ZNF589: variants seen among roughly 807,000 people sequenced by gnomAD.
The protein encoded by ZNF589 is zinc finger protein 589.
In ZNF589, 17 loss-of-function variants were observed where a neutral mutation model predicts 13.6. The ratio of observed to expected loss-of-function variants is 1.25; its 90% CI spans 0.86 to 1.88. The LOEUF (loss-of-function observed/expected upper bound fraction) is 1.88, where lower values mean the gene tolerates loss of function less well. Ranked by LOEUF, ZNF589 falls within the 40% of genes most tolerant of loss-of-function variation. ZNF589 has a pLI of 0.00. For synonymous variants in ZNF589, 148 were observed against 161.6 expected (o/e 0.92, Z 0.64); for missense variants, 407 against 434.0 (o/e 0.94, Z 0.55).
chr3:48,258,814 G>A (rs1171085271), intron 2 of ZNF589, among the ~76,000 whole-genome samples: 1 of 152,204 alleles, frequency 6.6e-6, no homozygotes, highest in South Asian at 2.1e-4. Context: ...ATTTGGACTT[G>A]TGCGGTCTGA....
chr3:48,252,562 G>A (rs1222060188), intron 2 of ZNF589, among the ~76,000 whole-genome samples: 1 of 151,276 alleles, frequency 6.6e-6, no homozygotes, highest in African/African-American at 2.4e-5. Context: ...TTTGTACAAT[G>A]GGATTTTGAT....
At chr3:48,249,305 G>A (rs1304659205) in intron 2 of ZNF589, among the ~76,000 whole-genome samples, 1 of 152,106 alleles carries the variant, frequency 6.6e-6, no homozygotes, top group African/African-American at 2.4e-5. Flanking sequence ...GTTTCACCAT[G>A]TTAGCCAGGC....
Position 48,269,309 on chromosome 3 carries a change from C to T in ZNF589, c.*523C>T, listed in dbSNP as rs2034062650. ...AGAGTGTGGGCGAGGCTTTATAGCT[C>T]AGTCAACCCTCCACTACCACCGGAG... On this transcript the variant is annotated 3_prime_UTR_variant, in exon 4 of 4. Transcript: ENST00000354698. The T allele has an allele frequency of 2.8e-6, 4 of 1,451,288 alleles. No homozygotes were observed. The highest frequency in any genetic ancestry group is 1.4e-5 in the African/African-American group (1 of 69,550). The allele number at this position is 1,451,288 out of a possible 1,614,324, so 89.9% of individuals were successfully genotyped here. A position where few individuals can be genotyped will look rare whatever the true frequency, so the allele number is the denominator to read the frequency against.
At chr3:48,263,419 T>G (rs1254152410) in intron 3 of ZNF589, among the ~76,000 whole-genome samples, 1 of 152,216 alleles carries the variant, frequency 6.6e-6, no homozygotes, top group Non-Finnish European at 1.5e-5. Context: ...TCCTTTCTTT[T>G]TTATGTTTCG....
intron 2 of ZNF589, chr3:48,256,504 G>C (rs1211121652): frequency 1.8e-6 from 1 of 556,960 alleles, no homozygotes; most frequent in African/African-American, 2.1e-5. Flanking sequence ...GGTTGAATTG[G>C]GGTTTGCCCT....
Position 48,268,104 on chromosome 3 carries a change from G to C in ZNF589, c.413G>C (p.Arg138Thr), listed in dbSNP as rs1041889401. 1 of 1,614,076 alleles carries C rather than the reference G, an allele frequency of 6.2e-7. No individual in the cohort carries two copies. The highest frequency in any genetic ancestry group is 8.5e-7 in the Non-Finnish European group (1 of 1,180,042). ...CAACATCCTTCTGATAAAAATCACAGGGGGGCTGAAGCAGAAGATCAACGA... is the reference window on the plus strand; with the variant it reads ...CAACATCCTTCTGATAAAAATCACACGGGGGCTGAAGCAGAAGATCAACGA... ...QSQHPSDKNHRGAEAEDQRVE... is the reference protein window; with the variant it reads ...QSQHPSDKNHTGAEAEDQRVE... Residue 138 changes from arginine (R) to threonine (T), a missense_variant, in exon 4 of 4, where the codon AGG (arginine) becomes ACG (threonine). By Grantham distance (71) the Arg-to-Thr change is moderately conservative. Coordinates refer to ENST00000354698, the MANE Select transcript of ZNF589 (RefSeq NM_016089.3).
intron 3 of ZNF589, 137 bp downstream of exon 3, chr3:48,261,076 T>C (rs2033965771): frequency 1.1e-6 from 1 of 945,292 alleles, no homozygotes; most frequent in Admixed American, 2.4e-5. Context: ...GTGGAGCTTA[T>C]ATTCTAGTAT....
chr3:48,265,260 C>T (rs1383434368), intron 3 of ZNF589, among the ~76,000 whole-genome samples: 1 of 139,038 alleles, frequency 7.2e-6, no homozygotes, highest in East Asian at 2.2e-4. Flanking sequence ...GCATGAGCCA[C>T]TGTGCCCGGC....
intron 3 of ZNF589, among the ~76,000 whole-genome samples, chr3:48,264,264 G>T (rs2033997235): frequency 1.3e-5 from 2 of 152,218 alleles, no homozygotes; most frequent in Admixed American, 1.3e-4. Flanking sequence ...GCCGGGCATG[G>T]TGGCTCACAC....
intron 1 of ZNF589, among the ~76,000 whole-genome samples, chr3:48,243,662 A>T (rs1190567542): frequency 1.3e-5 from 2 of 151,970 alleles, no homozygotes; most frequent in Non-Finnish European, 2.9e-5. Context: ...AAATACAAAA[A>T]TAGCTGGGCT....
chr3:48,268,835 C>A lies in ZNF589; in HGVS notation c.*49C>A. 2 of 1,558,316 alleles carry A rather than the reference C, an allele frequency of 1.3e-6. No individual in the cohort carries two copies. The highest frequency in any genetic ancestry group is 8.7e-7 in the Non-Finnish European group (1 of 1,154,118). Reference sequence around the variant, plus strand: ...ATGTCTCAACACACACCAGAGGATACATTCAGATGAGAAGCCTTTTGTTTG... The same window carrying A: ...ATGTCTCAACACACACCAGAGGATAAATTCAGATGAGAAGCCTTTTGTTTG... On this transcript the variant is annotated 3_prime_UTR_variant, in exon 4 of 4. Coordinates refer to ENST00000354698, the MANE Select transcript of ZNF589 (RefSeq NM_016089.3).
intron 2 of ZNF589, among the ~76,000 whole-genome samples, chr3:48,254,312 A>G (rs546547251): frequency 3.9e-5 from 6 of 152,248 alleles, no homozygotes; most frequent in South Asian, 2.1e-4. Flanking sequence ...TCTGGACTCT[A>G]TTCTGTTCCA....
Position 48,268,746 on chromosome 3 carries a change from G to T in ZNF589, c.1055G>T (p.Arg352Ile). 15 of 1,614,112 alleles carry T rather than the reference G, an allele frequency of 9.3e-6. No individual in the cohort carries two copies. The highest frequency in any genetic ancestry group is 1.3e-5 in the Non-Finnish European group (15 of 1,179,988). ...AAGTCAGAGCTCATTAAGCACCAGA[G>T]AATTCACACGGGGGATAAGCCTTAT... is the stretch of plus-strand genomic sequence containing the variant. ...REKSELIKHQ[R>I]IHTGDKPYVC... Residue 352 changes from arginine (R) to isoleucine (I), a missense_variant, in exon 4 of 4, where the codon AGA (arginine) becomes ATA (isoleucine). Transcript: ENST00000354698.
Position 48,268,867 on chromosome 3 carries a change from G to A in ZNF589, c.*81G>A. ...ATGAGAAGCCTTTTGTTTGCAGAGA[G>A]TGTGGGCGAGGCTTTCGTGCTAAAT... On this transcript the variant is annotated 3_prime_UTR_variant, in exon 4 of 4. Coordinates refer to ENST00000354698, the MANE Select transcript of ZNF589 (RefSeq NM_016089.3). 7 of 1,525,670 alleles carry A rather than the reference G, an allele frequency of 4.6e-6. No individual in the cohort carries two copies. The highest frequency in any genetic ancestry group is 5.3e-6 in the Non-Finnish European group (6 of 1,132,356). 94.5% of individuals were successfully genotyped at this position (1,525,670 alleles called of 1,614,324 possible). A position where few individuals can be genotyped will look rare whatever the true frequency, so the allele number is the denominator to read the frequency against.
chr3:48,251,476 C>G (rs2033838169), intron 2 of ZNF589, among the ~76,000 whole-genome samples: 1 of 151,864 alleles, frequency 6.6e-6, no homozygotes, highest in African/African-American at 2.4e-5. Flanking sequence ...AGGAGAATCA[C>G]TTGAACCTGG....
rs115121940 is a variant in ZNF589, at chr3:48,254,283, G to C, written c.97-6530G>C. Among the ~76,000 whole-genome samples the C allele has an allele frequency of 4.3e-3, 650 of 152,164 alleles. 6 individuals are homozygous for C. The highest frequency in any genetic ancestry group is 0.015 in the African/African-American group (629 of 41,530). On this transcript the variant is annotated intron_variant, in intron 2 of 3. Coordinates refer to ENST00000354698, the MANE Select transcript of ZNF589 (RefSeq NM_016089.3). Reference sequence around the variant, plus strand: ...AAAAAAACTAAACAAAAAATCAGTCGATGTTTGTGTCGGTCATTTCTGGAC... The same window carrying C: ...AAAAAAACTAAACAAAAAATCAGTCCATGTTTGTGTCGGTCATTTCTGGAC...
At chr3:48,256,523 ACTC>A (rs2033905112) in intron 2 of ZNF589, 2 of 631,464 alleles carry the variant, frequency 3.2e-6, no homozygotes, top group Admixed American at 2.2e-5. Flanking sequence ...CTTTGGAACA[ACTC>A]CTTCAGGAAG....
chr3:48,255,257 C>T (rs949764267), intron 2 of ZNF589, among the ~76,000 whole-genome samples: 47 of 151,238 alleles, frequency 3.1e-4, no homozygotes, highest in African/African-American at 1.1e-3. Flanking sequence ...TGCATTGCAA[C>T]TTCTGCCTCT....
rs866019567 is a variant in ZNF589 at position 48,261,029 on chromosome 3, A to G, written c.223+90A>G. The G allele has an allele frequency of 3.3e-5, 45 of 1,356,936 alleles. No individual in the cohort carries two copies. In the South Asian group the frequency reaches 3.3e-4, roughly 10 times the overall value. 84.1% of individuals were successfully genotyped at this position (1,356,936 alleles called of 1,614,324 possible). ...AGCCAATGTTTTAATCTCTTAGAAC[A>G]TATCAGTGAATAGAATAATAAAGCA... On this transcript the variant is annotated intron_variant, in intron 3 of 3. Transcript: ENST00000354698.
Sources: gnomAD v4.1 joint callset for allele counts (sites outside exome capture counted in the v4.1 genomes callset) on GRCh38, gnomAD v4.1.1 for gene constraint, MANE v1.5 for transcripts, NCBI Gene and HGNC (gene_info 2026-07-23, HGNC 2026-07-21) for gene names.